DOCK2: variants seen among roughly 807,000 people sequenced by gnomAD.
The protein encoded by DOCK2 is dedicator of cytokinesis protein 2.
A neutral mutation model predicts 248.9 loss-of-function variants in DOCK2; 87 were observed. The ratio of observed to expected loss-of-function variants is 0.35; its 90% confidence interval spans 0.29 to 0.42. The LOEUF is 0.42. Among genes scored for constraint, DOCK2 ranks in the 10% least tolerant of loss-of-function variants. The pLI is 1.00. For synonymous variants in DOCK2, 805 were observed against 821.6 expected (o/e 0.98, Z 0.35); for missense variants, 1,747 against 2,300.2 (o/e 0.76, Z 4.92).
At chr5:169,694,822 A>T (rs962306171) in intron 9 of DOCK2, among the ~76,000 whole-genome samples, 3 of 151,874 alleles carry the variant, frequency 2.0e-5, no homozygotes, top group African/African-American at 7.3e-5. Flanking sequence ...TCTTAAAAAA[A>T]AAATTAGGTA....
At chr5:170,079,438 T>G (rs776784100) in intron 49 of DOCK2, 2 of 334,766 alleles carry the variant, frequency 6.0e-6, no homozygotes, top group Non-Finnish European at 5.8e-6. Flanking sequence ...CTGGGGAGAA[T>G]CCACCTGTTC....
chr5:170,046,947 T>C (rs982957036), intron 39 of DOCK2, among the ~76,000 whole-genome samples: 1 of 152,228 alleles, frequency 6.6e-6, no homozygotes, highest in African/African-American at 2.4e-5. Context: ...ATGTCATGAT[T>C]CCTTCAGGGC....
intron 8 of DOCK2, among the ~76,000 whole-genome samples, chr5:169,685,021 A>G (rs988740994): frequency 1.3e-5 from 2 of 152,244 alleles, no homozygotes; most frequent in African/African-American, 4.8e-5. Flanking sequence ...GGCTAAGGGT[A>G]TAGGCTCTGA....
chr5:169,656,674 A>T (rs1758140501), intron 2 of DOCK2, among the ~76,000 whole-genome samples: 1 of 152,178 alleles, frequency 6.6e-6, no homozygotes, highest in Non-Finnish European at 1.5e-5. Context: ...CTGCCAAAAC[A>T]ATGACAAGGC....
intron 27 of DOCK2, among the ~76,000 whole-genome samples, chr5:169,942,609 G>T (rs758889204): frequency 2.0e-5 from 3 of 152,208 alleles, no homozygotes; most frequent in Non-Finnish European, 4.4e-5. Flanking sequence ...CACCAAGATG[G>T]TGCTGGCTCT....
chr5:170,057,735 G>C lies in DOCK2; in HGVS notation c.4467+69G>C, dbSNP rs936571013. 1.1e-5 allele frequency: 15 copies of C among 1,388,830 alleles called. No homozygotes were observed. In the African/African-American group the frequency reaches 2.2e-4, roughly 20 times the overall value. The allele number at this position is 1,388,830 out of a possible 1,614,324, so 86.0% of individuals were successfully genotyped here. A position where few individuals can be genotyped will look rare whatever the true frequency, so the allele number is the denominator to read the frequency against. The stretch of plus-strand genomic sequence containing the variant: ...GGCAGGGCACAGCCAGTCTCCAAAG[G>C]CCCCTTTGACTTTAAAAAGGAGACA... On this transcript the variant is annotated intron_variant, in intron 44 of 51. Transcript: ENST00000520908.
At chr5:169,728,475 AGGC>A in intron 22 of DOCK2, among the ~76,000 whole-genome samples, 1 of 152,282 alleles carries the variant, frequency 6.6e-6, no homozygotes, top group Non-Finnish European at 1.5e-5. Context: ...ATAGGATAAC[AGGC>A]AGAAAGGATT....
chr5:170,079,109 C>A lies in DOCK2; in HGVS notation c.5129C>A (p.Ala1710Glu), dbSNP rs200684209. Residue 1710 changes from alanine (A) to glutamate (E), a missense_variant, in exon 49 of 52, where the codon GCG (alanine) becomes GAG (glutamate). Physicochemically the swap from Ala to Glu is moderately radical, Grantham distance 107. Transcript: ENST00000520908. ...ACAAAGAGAAGCAGCGTAGTTTTTG[C>A]GGATGAGAAAGCAGCTGCAGAGTCG... The part of the protein sequence containing the change: ...KRTKRSSVVF[A>E]DEKAAAESDL... 3.7e-5 allele frequency: 59 copies of A among 1,613,748 alleles called. No individual in the cohort carries two copies. The highest frequency in any genetic ancestry group is 4.5e-5 in the Non-Finnish European group (53 of 1,179,998).
intron 2 of DOCK2, among the ~76,000 whole-genome samples, chr5:169,657,750 T>G (rs1758204188): frequency 6.6e-6 from 1 of 151,950 alleles, no homozygotes; most frequent in Non-Finnish European, 1.5e-5. Flanking sequence ...GGGGAAGGAG[T>G]GAGTTTGGGA....
chr5:170,055,469 C>A, intron 42 of DOCK2, 83 bp downstream of exon 42: 1 of 1,276,564 alleles, frequency 7.8e-7, no homozygotes, highest in Non-Finnish European at 1.1e-6. Context: ...CAGAACAGAC[C>A]CCAGTGTCTT....
rs75300432 is a variant in DOCK2, at chr5:170,008,303, A to G, written c.3073-194A>G. 1.1e-3 allele frequency among the ~76,000 whole-genome samples: 166 copies of G among 152,270 alleles called. 2 individuals are homozygous for G. The East Asian group carries it at 0.029, about 26-fold the overall frequency. On this transcript the variant is annotated intron_variant, in intron 30 of 51. Transcript: ENST00000520908. ...AGTGGACGTGGTAGCGCCTAGAGAA[A>G]TCCATCCATTGTCCTCACTTTGGCC...
intron 27 of DOCK2, chr5:169,875,266 ACT>A: frequency 2.2e-6 from 1 of 456,240 alleles, no homozygotes; most frequent in South Asian, 1.5e-5. Flanking sequence ...TCCACCCCAC[ACT>A]CTCTGATTCA....
chr5:169,696,649 A>C (rs1360909011), intron 10 of DOCK2, among the ~76,000 whole-genome samples: 1 of 152,222 alleles, frequency 6.6e-6, no homozygotes, highest in Non-Finnish European at 1.5e-5. Flanking sequence ...ATTAAAATAT[A>C]AAATTTTAAG....
chr5:170,076,081 G>C lies in DOCK2; in HGVS notation c.4863G>C (p.Glu1621Asp), dbSNP rs1757827901. 1 of 1,538,352 alleles carries C rather than the reference G, an allele frequency of 6.5e-7. No homozygotes were observed. Among genetic ancestry groups the C allele is most frequent in the African/African-American group, 1.4e-5 (1 of 72,980 alleles). The change falls in exon 47 of 52, where the codon GAG (glutamate) becomes GAC (aspartate). Residue 1621 changes from glutamate to aspartate, a missense_variant. Glu to Asp is a conservative substitution (Grantham distance 45). This residue lies in a region of DOCK2 where 513 missense variants were observed against 586.1 expected (regional missense o/e 0.88). Coordinates refer to ENST00000520908, the MANE Select transcript of DOCK2 (RefSeq NM_004946.3). ...TGGAGAAGGAGTACGGTGTCCGAGA[G>C]ATGGTATGGGTGGTTCCTATGGCTT... ...MKVEKEYGVR[E>D]MPDFDDRRVG...
chr5:169,802,624 C>G lies in DOCK2; in HGVS notation c.2555-434C>G, dbSNP rs76031710. 2.7e-3 allele frequency among the ~76,000 whole-genome samples: 414 copies of G among 152,018 alleles called. 17 individuals carry two copies. In the East Asian group the frequency reaches 0.068, roughly 25 times the overall value. On this transcript the variant is annotated intron_variant, in intron 25 of 51. Coordinates refer to ENST00000520908, the MANE Select transcript of DOCK2 (RefSeq NM_004946.3). ...CAGAGTAATATATACATCATGGTCC[C>G]CTTGTATAAAATGGAAACAAAGCCA...
chr5:169,841,367 C>A (rs891777196), intron 27 of DOCK2: 39 of 987,200 alleles, frequency 4.0e-5, no homozygotes, highest in Non-Finnish European at 4.3e-5. Context: ...AATTTCTGCC[C>A]CGTCATCTGA....
intron 27 of DOCK2, among the ~76,000 whole-genome samples, chr5:169,856,909 A>G (rs982352237): frequency 3.9e-5 from 6 of 152,230 alleles, no homozygotes; most frequent in African/African-American, 1.4e-4. Context: ...TTTAAGAAAT[A>G]AAGGTTTTTG....
chr5:169,881,784 C>A (rs1772669656), intron 27 of DOCK2, among the ~76,000 whole-genome samples: 1 of 152,166 alleles, frequency 6.6e-6, no homozygotes, highest in Admixed American at 6.5e-5. Flanking sequence ...GTGTTTCTCT[C>A]CTATACGGCA....
chr5:169,917,178 T>A (rs755779562), intron 27 of DOCK2, among the ~76,000 whole-genome samples: 8 of 152,180 alleles, frequency 5.3e-5, no homozygotes, highest in Non-Finnish European at 1.2e-4. Context: ...CCAATCTGGG[T>A]AGGGATTCCA....
Sources: allele counts gnomAD v4.1 joint callset (sites outside exome capture counted in the v4.1 genomes callset), GRCh38; gene constraint gnomAD v4.1.1; regional missense constraint gnomAD v4.1.1; transcripts MANE v1.5; gene names NCBI Gene and HGNC (gene_info 2026-07-23, HGNC 2026-07-21).